Variants in KLF9 observed in about 807,000 individuals in gnomAD.
The protein encoded by KLF9 is Krueppel-like factor 9.
A neutral mutation model predicts 17.3 loss-of-function variants in KLF9; 2 were observed. The ratio of observed to expected loss-of-function variants is 0.12; its 90% CI spans 0.05 to 0.36. The LOEUF is 0.36. Among genes scored for constraint, KLF9 ranks in the 10% least tolerant of loss-of-function variants. The pLI, the probability that KLF9 is intolerant of heterozygous loss-of-function variation, is 1.00. For synonymous variants in KLF9, 138 were observed against 139.2 expected (o/e 0.99, Z 0.06); for missense variants, 226 against 333.2 (o/e 0.68, Z 2.51).
intron 1 of KLF9, among the ~76,000 whole-genome samples, chr9:70,401,701 AAAAAG>A (rs1554707668): frequency 1.6e-4 from 24 of 149,570 alleles, no homozygotes; most frequent in African/African-American, 2.5e-4. Flanking sequence ...AAAAAAAAAA[AAAAAG>A]AAAAGAAAAG....
chr9:70,411,903 T>C (rs1372735029), intron 1 of KLF9, among the ~76,000 whole-genome samples: 1 of 152,102 alleles, frequency 6.6e-6, no homozygotes, highest in African/African-American at 2.4e-5. Context: ...CATGTCCAAA[T>C]GTGAATGCTT....
intron 1 of KLF9, among the ~76,000 whole-genome samples, chr9:70,399,752 CAG>C (rs1002329304): frequency 3.3e-5 from 5 of 152,248 alleles, no homozygotes; most frequent in African/African-American, 1.2e-4. Context: ...ACTAAAAGCA[CAG>C]AGACTGACCT....
At chr9:70,403,527 A>G (rs756071200) in intron 1 of KLF9, among the ~76,000 whole-genome samples, 1 of 152,088 alleles carries the variant, frequency 6.6e-6, no homozygotes, top group Non-Finnish European at 1.5e-5. Context: ...CCATCTCACC[A>G]CTATTTGGAG....
At chr9:70,403,941 G>A (rs1480444552) in intron 1 of KLF9, among the ~76,000 whole-genome samples, 1 of 152,218 alleles carries the variant, frequency 6.6e-6, no homozygotes, top group South Asian at 2.1e-4. Flanking sequence ...AAACCCAAGA[G>A]AACCACGTAA....
At chr9:70,394,889 A>G (rs1285609792) in intron 1 of KLF9, among the ~76,000 whole-genome samples, 1 of 152,216 alleles carries the variant, frequency 6.6e-6, no homozygotes, top group Non-Finnish European at 1.5e-5. Context: ...GTAAGGCTCA[A>G]TGGTGTGAAT....
intron 1 of KLF9, among the ~76,000 whole-genome samples, chr9:70,411,225 G>T (rs943391889): frequency 6.6e-6 from 1 of 152,196 alleles, no homozygotes; most frequent in African/African-American, 2.4e-5. Flanking sequence ...GGCCTCCCTG[G>T]CTGCACGACT....
chr9:70,406,957 CTT>C (rs560637705), intron 1 of KLF9, among the ~76,000 whole-genome samples: 11 of 137,786 alleles, frequency 8.0e-5, no homozygotes, highest in Admixed American at 1.5e-4. Flanking sequence ...TGCGACAAAG[CTT>C]TTTTTTTTTT....
In KLF9 at chr9:70,411,105, G is replaced by A. The variant is rs536917156; in HGVS notation, c.505+1754C>T. Among the ~76,000 whole-genome samples, 8 of 152,342 alleles carry A rather than the reference G, an allele frequency of 5.3e-5. 1 individual carries two copies. The South Asian group carries it at 1.7e-3, about 32-fold the overall frequency. Reference sequence around the variant, plus strand: ...GCAGCACGCATGCACGCACACAGAAGCAGCCATTTCTATAAATGCCTGAGA... The same window carrying A: ...GCAGCACGCATGCACGCACACAGAAACAGCCATTTCTATAAATGCCTGAGA... On this transcript the variant is annotated intron_variant, in intron 1 of 1. Transcript: ENST00000377126.
intron 1 of KLF9, among the ~76,000 whole-genome samples, chr9:70,393,540 T>C (rs1349943214): frequency 6.6e-6 from 1 of 152,156 alleles, no homozygotes; most frequent in Non-Finnish European, 1.5e-5. Flanking sequence ...ACCTGGTTCT[T>C]CTCATCTTCC....
intron 1 of KLF9, among the ~76,000 whole-genome samples, chr9:70,410,758 A>G (rs1291323333): frequency 6.6e-6 from 1 of 152,222 alleles, no homozygotes; most frequent in Non-Finnish European, 1.5e-5. Context: ...CCTAAAGTCA[A>G]TTTAAATTGA....
intron 1 of KLF9, among the ~76,000 whole-genome samples, chr9:70,399,366 A>G (rs1404179978): frequency 6.6e-6 from 1 of 152,236 alleles, no homozygotes; most frequent in East Asian, 1.9e-4. Context: ...CCACATAGCT[A>G]GCCCTTCAAA....
chr9:70,391,767 T>C (rs544799057), intron 1 of KLF9, among the ~76,000 whole-genome samples: 9 of 152,368 alleles, frequency 5.9e-5, no homozygotes, highest in Admixed American at 5.9e-4. Context: ...TATACCATTC[T>C]TATATTCGGT....
intron 1 of KLF9, among the ~76,000 whole-genome samples, chr9:70,390,168 A>T (rs2037143720): frequency 6.6e-6 from 1 of 152,234 alleles, no homozygotes; most frequent in Admixed American, 6.5e-5. Context: ...AGTCATAACA[A>T]CACCCTGTAC....
chr9:70,387,583 C>T lies in KLF9; in HGVS notation c.*193G>A. ...CTTCAAGGGGACCGAGTGTTGTTGA[C>T]TTTGATCTTAGGCTACAATGTGCTT... is the stretch of plus-strand genomic sequence containing the variant. On this transcript the variant is annotated 3_prime_UTR_variant, in exon 2 of 2. Transcript: ENST00000377126. 1.7e-6 allele frequency: 1 copy of T among 593,800 alleles called. No homozygotes were observed. Among genetic ancestry groups the T allele is most frequent in the South Asian group, 2.0e-5 (1 of 49,512 alleles). The allele number at this position is 593,800 out of a possible 1,614,324, so 36.8% of individuals were successfully genotyped here. A position where few individuals can be genotyped will look rare whatever the true frequency, so the allele number is the denominator to read the frequency against.
At chr9:70,406,743 C>T (rs1265518059) in intron 1 of KLF9, among the ~76,000 whole-genome samples, 3 of 152,046 alleles carry the variant, frequency 2.0e-5, no homozygotes, top group East Asian at 1.9e-4. Context: ...CACTAATTTA[C>T]GCTCTTCAGT....
At chr9:70,405,161 G>T (rs1416728912) in intron 1 of KLF9, among the ~76,000 whole-genome samples, 1 of 152,176 alleles carries the variant, frequency 6.6e-6, no homozygotes, top group Admixed American at 6.5e-5. Flanking sequence ...GTTCTAAAAT[G>T]TCCAAAACTC....
At chr9:70,409,494 T>C (rs2037294936) in intron 1 of KLF9, among the ~76,000 whole-genome samples, 1 of 151,990 alleles carries the variant, frequency 6.6e-6, no homozygotes, top group Non-Finnish European at 1.5e-5. Context: ...AGAATGTAGT[T>C]GTTTCCTTAT....
At chr9:70,388,511 T>C (rs1280190717) in intron 1 of KLF9, among the ~76,000 whole-genome samples, 2 of 152,158 alleles carry the variant, frequency 1.3e-5, no homozygotes, top group African/African-American at 2.4e-5. Context: ...GTTGCTAACA[T>C]CTCTAAGCAA....
rs377565801 is a variant in KLF9 at position 70,409,056 on chromosome 9, ATG to A, written c.505+3801_505+3802del. Among the ~76,000 whole-genome samples, 147 of 96,040 alleles carry A rather than the reference ATG, an allele frequency of 1.5e-3. 3 individuals carry two copies. The highest frequency in any genetic ancestry group is 5.0e-3 in the Admixed American group (40 of 8,048). 63.0% of individuals were successfully genotyped at this position (96,040 alleles called of 152,430 possible). A position where few individuals can be genotyped will look rare whatever the true frequency, so the allele number is the denominator to read the frequency against. The stretch of plus-strand genomic sequence containing the variant: ...TATATGTGTATATATATATACATAT[ATG>A]TGTATATATATGTGTATATATATAC... On this transcript the variant is annotated intron_variant, in intron 1 of 1. Coordinates refer to ENST00000377126, the MANE Select transcript of KLF9 (RefSeq NM_001206.4).
Sources: allele counts gnomAD v4.1 joint callset (sites outside exome capture counted in the v4.1 genomes callset), GRCh38; gene constraint gnomAD v4.1.1; transcripts MANE v1.5; gene names NCBI Gene and HGNC (gene_info 2026-07-23, HGNC 2026-07-21).